STAG1: variants seen among roughly 807,000 people sequenced by gnomAD.
STAG1 encodes the protein cohesin subunit SA-1.
In STAG1, 26 loss-of-function variants were observed where a neutral mutation model predicts 170.9. That is an observed-to-expected ratio of 0.15 (90% CI 0.11 to 0.21). STAG1 has a LOEUF of 0.21. Ranked by LOEUF, STAG1 falls within the 10% of genes least tolerant of loss-of-function variation. STAG1 has a pLI of 1.00. For missense variants in STAG1, 964 were observed against 1,509.5 expected (o/e 0.64, Z 5.99); for synonymous variants, 514 against 497.7 (o/e 1.03, Z -0.44).
At chr3:136,704,252 T>C (rs946319054) in intron 1 of STAG1, among the ~76,000 whole-genome samples, 3 of 151,582 alleles carry the variant, frequency 2.0e-5, no homozygotes, top group East Asian at 2.0e-4. Flanking sequence ...TATTTCACCA[T>C]GTTGGCCAGG....
chr3:136,381,206 A>T (rs909788772), intron 22 of STAG1, among the ~76,000 whole-genome samples: 1 of 152,100 alleles, frequency 6.6e-6, no homozygotes, highest in Admixed American at 6.6e-5. Context: ...GGGAGTCTTC[A>T]GCATTTAGAT....
chr3:136,594,687 G>GT (rs1938337970), intron 4 of STAG1, among the ~76,000 whole-genome samples: 1 of 152,180 alleles, frequency 6.6e-6, no homozygotes, highest in Admixed American at 6.5e-5. Flanking sequence ...GTCCATGAAG[G>GT]TAAGGGTCAG....
At chr3:136,731,933 C>T (rs1251673396) in intron 1 of STAG1, among the ~76,000 whole-genome samples, 1 of 152,124 alleles carries the variant, frequency 6.6e-6, no homozygotes, top group Non-Finnish European at 1.5e-5. Flanking sequence ...GGCAAAATAT[C>T]ACACCTAGGT....
chr3:136,525,911 T>A (rs974940544), intron 6 of STAG1, among the ~76,000 whole-genome samples: 14 of 152,192 alleles, frequency 9.2e-5, no homozygotes, highest in African/African-American at 3.1e-4. Flanking sequence ...CAGTTTTGAG[T>A]GAGTTTCTTA....
At chr3:136,339,167 C>G (rs2108253713) in intron 32 of STAG1, among the ~76,000 whole-genome samples, 1 of 152,190 alleles carries the variant, frequency 6.6e-6, no homozygotes, top group African/African-American at 2.4e-5. Context: ...AGAAGGCAGC[C>G]ATCTACAAGC....
rs1242828623 is a variant in STAG1, at chr3:136,479,648, G to A, written c.903-2236C>T. ...TCTAGTTCTAGATCCCTGAGGAATCGCCACACTGACTTCCACAATGGTTGA... is the reference window on the plus strand; with the variant it reads ...TCTAGTTCTAGATCCCTGAGGAATCACCACACTGACTTCCACAATGGTTGA... On this transcript the variant is annotated intron_variant, in intron 9 of 33. Transcript: ENST00000383202. Among the ~76,000 whole-genome samples, 3 of 50,768 alleles carry A rather than the reference G, an allele frequency of 5.9e-5. 1 individual carries two copies. Among genetic ancestry groups the A allele is most frequent in the Non-Finnish European group, 8.4e-5 (2 of 23,852 alleles). The allele number at this position is 50,768 out of a possible 152,430, so 33.3% of individuals were successfully genotyped here.
intron 4 of STAG1, chr3:136,586,750 C>T (rs1160163921): frequency 2.3e-6 from 1 of 436,346 alleles, no homozygotes. Context: ...AATCTGTATG[C>T]ACTAACATGG....
chr3:136,751,274 T>A (rs957852241), intron 1 of STAG1, among the ~76,000 whole-genome samples: 1 of 151,334 alleles, frequency 6.6e-6, no homozygotes, highest in Admixed American at 6.6e-5. Flanking sequence ...AATCGACAGA[T>A]AACATTTCAA....
intron 14 of STAG1, among the ~76,000 whole-genome samples, chr3:136,445,858 C>A (rs1277519600): frequency 6.6e-6 from 1 of 152,012 alleles, no homozygotes; most frequent in Non-Finnish European, 1.5e-5. Context: ...TTTATCCAGC[C>A]TATTATTTAT....
At chr3:136,468,871 A>G (rs1030659280) in intron 12 of STAG1, among the ~76,000 whole-genome samples, 3 of 152,166 alleles carry the variant, frequency 2.0e-5, no homozygotes, top group Admixed American at 1.3e-4. Flanking sequence ...TATGAACAGA[A>G]CCAAAGACAA....
intron 5 of STAG1, among the ~76,000 whole-genome samples, chr3:136,556,274 T>C (rs1358488421): frequency 2.6e-5 from 4 of 152,206 alleles, no homozygotes; most frequent in South Asian, 2.1e-4. Flanking sequence ...GATGAATATA[T>C]GCAGAAATAA....
intron 1 of STAG1, among the ~76,000 whole-genome samples, chr3:136,734,364 G>A (rs1934219376): frequency 6.6e-6 from 1 of 152,112 alleles, no homozygotes; most frequent in African/African-American, 2.4e-5. Context: ...TTCTGCCTAA[G>A]ATTGAGGAGG....
At chr3:136,402,620 C>G (rs928156613) in intron 21 of STAG1, among the ~76,000 whole-genome samples, 3 of 151,576 alleles carry the variant, frequency 2.0e-5, no homozygotes, top group Non-Finnish European at 4.4e-5. Flanking sequence ...CACCTGAGGT[C>G]AGGAGTTCAA....
intron 3 of STAG1, among the ~76,000 whole-genome samples, chr3:136,621,127 C>T (rs1472364026): frequency 2.7e-5 from 4 of 150,918 alleles, no homozygotes; most frequent in African/African-American, 7.3e-5. Context: ...AGTAAGGTTC[C>T]GTCTCAAAAA....
chr3:136,407,173 T>G (rs1205129546), intron 21 of STAG1, among the ~76,000 whole-genome samples: 2 of 152,150 alleles, frequency 1.3e-5, no homozygotes, highest in Non-Finnish European at 2.9e-5. Context: ...ATTACAGGCA[T>G]GTGCCACCAT....
chr3:136,475,138 C>CTT (rs10686674), intron 10 of STAG1, among the ~76,000 whole-genome samples: 6,281 of 75,382 alleles, frequency 0.083, 452 homozygotes, highest in Non-Finnish European at 0.1. Context: ...TTATAGGTTC[C>CTT]TTTTTTTTTT....
rs549849569 is a variant in STAG1, at chr3:136,356,692, T to C, written c.3065+1028A>G. 2.8e-4 allele frequency among the ~76,000 whole-genome samples: 42 copies of C among 152,320 alleles called. 1 individual carries two copies. In the South Asian group the frequency reaches 4.1e-3, roughly 15 times the overall value. On this transcript the variant is annotated intron_variant, in intron 28 of 33. Transcript: ENST00000383202. The stretch of plus-strand genomic sequence containing the variant: ...CTAGAATATTATAAAGGACTCTCTG[T>C]CTTAACAGTTTATAAAATTTAGGAT...
intron 1 of STAG1, among the ~76,000 whole-genome samples, chr3:136,632,431 G>A (rs181965793): frequency 3.3e-4 from 51 of 152,298 alleles, no homozygotes; most frequent in Admixed American, 1.4e-3. Context: ...GAGGACAGCA[G>A]ATCAAACTCT....
intron 13 of STAG1, among the ~76,000 whole-genome samples, chr3:136,456,210 G>A (rs1417274532): frequency 1.3e-5 from 2 of 151,868 alleles, no homozygotes; most frequent in South Asian, 2.1e-4. Context: ...GGCAATTCAG[G>A]GTAATCCTCT....
Sources: gnomAD v4.1 joint callset for allele counts (sites outside exome capture counted in the v4.1 genomes callset) on GRCh38, gnomAD v4.1.1 for gene constraint, MANE v1.5 for transcripts, NCBI Gene and HGNC (gene_info 2026-07-23, HGNC 2026-07-21) for gene names.